The following TMOD1 variants were observed in gnomAD, a reference collection of about 807,000 sequenced individuals.
TMOD1 encodes the protein tropomodulin 1, also known as tropomodulin-1.
Under a neutral mutation model 40.6 loss-of-function variants are expected in TMOD1, and 17 were observed. The ratio of observed to expected loss-of-function variants is 0.42; its 90% CI spans 0.29 to 0.63. The LOEUF (loss-of-function observed/expected upper bound fraction) is 0.63, where lower values mean the gene tolerates loss of function less well. Ranked by LOEUF, TMOD1 falls within the 20% of genes least tolerant of loss-of-function variation. The probability of loss-of-function intolerance (pLI) is 0.22; values close to 1 mark genes in which losing one functional copy is unlikely to be tolerated. For synonymous variants in TMOD1, 181 were observed against 175.0 expected, an observed-to-expected ratio of 1.03 and a Z score of -0.27; for missense variants, 391 against 447.6, an observed-to-expected ratio of 0.87 and a Z score of 1.14.
intron 2 of TMOD1, among the ~76,000 whole-genome samples, chr9:97,541,809 C>A (rs1040844407): frequency 6.6e-6 from 1 of 152,192 alleles, no homozygotes; most frequent in Non-Finnish European, 1.5e-5. Flanking sequence ...AGTCACCACG[C>A]CTGGCCCATT....
At chr9:97,547,319 G>A (rs976336870) in intron 3 of TMOD1, among the ~76,000 whole-genome samples, 15 of 151,862 alleles carry the variant, frequency 9.9e-5, no homozygotes, top group Admixed American at 5.3e-4. Flanking sequence ...TGGAGTGCTG[G>A]TCCTGCTGCC....
chr9:97,548,455 G>C (rs570117776), intron 3 of TMOD1, among the ~76,000 whole-genome samples: 1 of 152,190 alleles, frequency 6.6e-6, no homozygotes, highest in Non-Finnish European at 1.5e-5. Flanking sequence ...TCCTGGAGGG[G>C]GTGGCAGGAG....
chr9:97,536,589 C>T (rs750861011), intron 2 of TMOD1, among the ~76,000 whole-genome samples: 35 of 152,116 alleles, frequency 2.3e-4, no homozygotes, highest in Non-Finnish European at 4.1e-4. Flanking sequence ...CTCTCACGTG[C>T]GGCCACATCT....
intron 1 of TMOD1, among the ~76,000 whole-genome samples, chr9:97,510,933 G>T (rs1049235417): frequency 2.0e-5 from 3 of 152,146 alleles, no homozygotes; most frequent in Non-Finnish European, 4.4e-5. Context: ...TTGAGGGCAG[G>T]TGGGCAGGCC....
chr9:97,547,123 A>AGG (rs1184922790), intron 3 of TMOD1, among the ~76,000 whole-genome samples: 2 of 151,994 alleles, frequency 1.3e-5, no homozygotes, highest in Admixed American at 1.3e-4. Flanking sequence ...CTCCAGCCTG[A>AGG]GGCAAGCCAT....
At chr9:97,590,508 G>A (rs1825979012) in intron 8 of TMOD1, among the ~76,000 whole-genome samples, 1 of 152,056 alleles carries the variant, frequency 6.6e-6, no homozygotes, top group Non-Finnish European at 1.5e-5. Flanking sequence ...TAACAGGCAT[G>A]AGCCACCACG....
intron 8 of TMOD1, among the ~76,000 whole-genome samples, chr9:97,574,478 C>T (rs1468100675): frequency 2.0e-5 from 3 of 152,224 alleles, no homozygotes; most frequent in Non-Finnish European, 4.4e-5. Flanking sequence ...GTCTCCTGAG[C>T]GGCCCGAACC....
At chr9:97,507,771 A>AG (rs1193897609) in intron 1 of TMOD1, among the ~76,000 whole-genome samples, 2 of 152,088 alleles carry the variant, frequency 1.3e-5, no homozygotes, top group Admixed American at 6.6e-5. Context: ...CCAAGGGGAA[A>AG]GGGGGGGACA....
intron 8 of TMOD1, among the ~76,000 whole-genome samples, chr9:97,577,413 C>T (rs1469286632): frequency 6.6e-6 from 1 of 152,210 alleles, no homozygotes; most frequent in Non-Finnish European, 1.5e-5. Context: ...GTATTCAAAT[C>T]CTGGTCCTGC....
chr9:97,549,273 A>T (rs7871765), intron 3 of TMOD1, among the ~76,000 whole-genome samples: 19 of 152,234 alleles, frequency 1.2e-4, no homozygotes, highest in African/African-American at 4.3e-4. Context: ...CCAGCTTTTC[A>T]TTCTGCCACC....
intron 3 of TMOD1, among the ~76,000 whole-genome samples, chr9:97,552,074 T>G (rs906119169): frequency 6.6e-6 from 1 of 152,202 alleles, no homozygotes; most frequent in Non-Finnish European, 1.5e-5. Context: ...ATAGGTTTTT[T>G]TGTGTGGAAA....
intron 2 of TMOD1, among the ~76,000 whole-genome samples, chr9:97,536,978 G>A (rs981909507): frequency 6.6e-6 from 1 of 152,224 alleles, no homozygotes; most frequent in Non-Finnish European, 1.5e-5. Context: ...TGCATGGTGA[G>A]CCACCAGTCT....
At chr9:97,508,219 C>T (rs1206362502) in intron 1 of TMOD1, among the ~76,000 whole-genome samples, 10 of 151,814 alleles carry the variant, frequency 6.6e-5, no homozygotes, top group Middle Eastern at 3.4e-3. Flanking sequence ...GACAGAGTCT[C>T]GCTCTGTCAC....
At chr9:97,517,224 C>T (rs1290177412) in intron 1 of TMOD1, among the ~76,000 whole-genome samples, 2 of 151,950 alleles carry the variant, frequency 1.3e-5, no homozygotes, top group Admixed American at 6.6e-5. Context: ...GTGATGCACC[C>T]CTGTAGTCCC....
At chr9:97,555,148 G>T (rs777878863) in intron 4 of TMOD1, among the ~76,000 whole-genome samples, 6 of 152,342 alleles carry the variant, frequency 3.9e-5, no homozygotes, top group Non-Finnish European at 8.8e-5. Context: ...AACCTAGTTT[G>T]CTAGGGCAGG....
intron 9 of TMOD1, among the ~76,000 whole-genome samples, chr9:97,592,464 C>T (rs1195310205): frequency 1.3e-5 from 2 of 151,840 alleles, no homozygotes; most frequent in Non-Finnish European, 2.9e-5. Flanking sequence ...TCTGGGACTA[C>T]ATTGTGAAAT....
chr9:97,555,044 T>C (rs1033375203), intron 4 of TMOD1, among the ~76,000 whole-genome samples: 4 of 151,752 alleles, frequency 2.6e-5, no homozygotes, highest in African/African-American at 4.8e-5. Context: ...GCTTGAAGGG[T>C]ATTGGGACTG....
chr9:97,539,520 A>G (rs1830242554), intron 2 of TMOD1, among the ~76,000 whole-genome samples: 1 of 152,250 alleles, frequency 6.6e-6, no homozygotes, highest in Non-Finnish European at 1.5e-5. Context: ...CCACTGGCAC[A>G]TGAAGAGCCC....
chr9:97,538,596 T>G (rs1035852037), intron 2 of TMOD1, among the ~76,000 whole-genome samples: 2 of 152,212 alleles, frequency 1.3e-5, no homozygotes, highest in African/African-American at 4.8e-5. Context: ...TTAAATGTAA[T>G]GTATAGGCTT....
Sources: gnomAD v4.1 joint callset for allele counts (sites outside exome capture counted in the v4.1 genomes callset) on GRCh38, gnomAD v4.1.1 for gene constraint, MANE v1.5 for transcripts, NCBI Gene and HGNC (gene_info 2026-07-23, HGNC 2026-07-21) for gene names.